The following GALK2 variants were observed in gnomAD, a reference collection of about 807,000 sequenced individuals.
GALK2 encodes the protein galactokinase 2, also known as N-acetylgalactosamine kinase.
In GALK2, 36 loss-of-function variants were observed where a neutral mutation model predicts 52.4. The observed-to-expected ratio is 0.69, with a 90% CI of 0.53 to 0.91. GALK2 has a LOEUF of 0.91. Among genes scored for constraint, GALK2 ranks in the 40% least tolerant of loss-of-function variants. The pLI, the probability that GALK2 is intolerant of heterozygous loss-of-function variation, is 0.00. For missense variants in GALK2, 579 were observed against 559.1 expected, an observed-to-expected ratio of 1.04 and a Z score of -0.36; for synonymous variants, 176 against 199.1, an observed-to-expected ratio of 0.88 and a Z score of 0.98.
At chr15:49,205,814 T>C (rs1384064460) in intron 2 of GALK2, among the ~76,000 whole-genome samples, 1 of 152,188 alleles carries the variant, frequency 6.6e-6, no homozygotes, top group African/African-American at 2.4e-5. Context: ...CCTAAGCCAA[T>C]GTCTAGAAGG....
chr15:49,184,886 T>C (rs149212936), intron 1 of GALK2, among the ~76,000 whole-genome samples: 46 of 152,336 alleles, frequency 3.0e-4, no homozygotes, highest in African/African-American at 1.1e-3. Context: ...AAGATATAAG[T>C]AGTATACATG....
chr15:49,318,202 T>G (rs1157487691), intron 8 of GALK2: 1 of 152,150 alleles, frequency 6.6e-6, no homozygotes, highest in Non-Finnish European at 1.5e-5. Context: ...GGTAAGGAAG[T>G]CTCAGTTGTT....
At chr15:49,225,236 A>T (rs1292280030) in intron 3 of GALK2, 1 of 455,994 alleles carries the variant, frequency 2.2e-6, no homozygotes, top group Admixed American at 2.3e-5. Context: ...CCTCAGGCAG[A>T]GGCTATGACC....
At chr15:49,271,913 T>A (rs1057048443) in intron 5 of GALK2, among the ~76,000 whole-genome samples, 1 of 152,192 alleles carries the variant, frequency 6.6e-6, no homozygotes, top group African/African-American at 2.4e-5. Flanking sequence ...AACGTACACG[T>A]TTTTTAACTT....
At chr15:49,319,155 T>G in intron 8 of GALK2, 1 of 359,554 alleles carries the variant, frequency 2.8e-6, no homozygotes, top group South Asian at 2.1e-5. Context: ...GTTTTCACCA[T>G]GTTGGTCAGG....
chr15:49,361,261 T>C (rs758459023), intron 3 of GALK2, among the ~76,000 whole-genome samples: 42 of 152,226 alleles, frequency 2.8e-4, no homozygotes, highest in Non-Finnish European at 5.0e-4. Flanking sequence ...TAACTTTTAT[T>C]TTAGGTTCAG....
chr15:49,189,920 C>CA (rs2141255160), intron 1 of GALK2, among the ~76,000 whole-genome samples: 1 of 152,248 alleles, frequency 6.6e-6, no homozygotes, highest in Admixed American at 6.5e-5. Flanking sequence ...CCACAGAAAA[C>CA]AAAACCACAA....
At chr15:49,261,904 C>G (rs2092129926) in intron 5 of GALK2, among the ~76,000 whole-genome samples, 1 of 152,066 alleles carries the variant, frequency 6.6e-6, no homozygotes, top group South Asian at 2.1e-4. Context: ...AGCCTTGCAT[C>G]CCAGGGATGA....
At chr15:49,268,745 A>C (rs2141677485) in intron 5 of GALK2, among the ~76,000 whole-genome samples, 1 of 152,238 alleles carries the variant, frequency 6.6e-6, no homozygotes, top group East Asian at 1.9e-4. Context: ...CAATGTTAGC[A>C]TCTTTTGCTC....
At chr15:49,352,429 T>G (rs1031506925) in intron 3 of GALK2, among the ~76,000 whole-genome samples, 1 of 152,172 alleles carries the variant, frequency 6.6e-6, no homozygotes, top group African/African-American at 2.4e-5. Context: ...ATAGGACTTA[T>G]GTTAAGTAAG....
chr15:49,235,406 TTTTG>T (rs773386420), intron 3 of GALK2, among the ~76,000 whole-genome samples: 8 of 152,300 alleles, frequency 5.3e-5, no homozygotes, highest in South Asian at 2.1e-4. Context: ...AAAATCATCA[TTTTG>T]TTTATTTGTT....
intron 4 of GALK2, among the ~76,000 whole-genome samples, chr15:49,236,467 T>G (rs752436367): frequency 7.9e-5 from 12 of 152,162 alleles, no homozygotes; most frequent in Non-Finnish European, 1.5e-4. Flanking sequence ...TATTGCTACT[T>G]CAGATGGGAT....
intron 5 of GALK2, among the ~76,000 whole-genome samples, chr15:49,242,054 G>A (rs2141517538): frequency 6.6e-6 from 1 of 151,892 alleles, no homozygotes; most frequent in African/African-American, 2.4e-5. Flanking sequence ...ACAGAATCTT[G>A]AATGAAAGGA....
chr15:49,360,489 TAA>T (rs572395413), intron 3 of GALK2, among the ~76,000 whole-genome samples: 1 of 152,180 alleles, frequency 6.6e-6, no homozygotes, highest in Admixed American at 6.5e-5. Context: ...TTTTGCATGT[TAA>T]AAAAATTATT....
rs1292772116 is a variant in GALK2, at chr15:49,285,056, G to A, written c.756+1338G>A. ...ACTTCTCAAAAATTGCTTTATATAT[G>A]TTATCTTTACTCCTCTACCTCCCTC... On this transcript the variant is annotated intron_variant, in intron 7 of 9. Transcript: ENST00000560031. Among the ~76,000 whole-genome samples, 3 of 152,128 alleles carry A rather than the reference G, an allele frequency of 2.0e-5. No individual in the cohort carries two copies. In the East Asian group the frequency reaches 5.8e-4, roughly 29 times the overall value.
Position 49,206,889 on chromosome 15 carries a change from T to G in GALK2, c.142+5639T>G, listed in dbSNP as rs866390722. Among the ~76,000 whole-genome samples the G allele has an allele frequency of 8.5e-5, 13 of 152,302 alleles. No individual in the cohort carries two copies. The South Asian group carries it at 1.9e-3, about 22-fold the overall frequency. The stretch of plus-strand genomic sequence containing the variant: ...CCAGTACCATGTTGAAAAGGAGTGG[T>G]GAGAGTGGGCATCTTAGTCTTGTCC... On this transcript the variant is annotated intron_variant, in intron 2 of 9. Transcript: ENST00000560031.
intron 3 of GALK2, among the ~76,000 whole-genome samples, chr15:49,351,705 A>G (rs2042271413): frequency 6.6e-6 from 1 of 152,164 alleles, no homozygotes; most frequent in Non-Finnish European, 1.5e-5. Context: ...AACATTGGAC[A>G]GACAGAAAAG....
chr15:49,294,139 T>TTAAATAAA (rs2034221282), intron 8 of GALK2, among the ~76,000 whole-genome samples: 3 of 86,350 alleles, frequency 3.5e-5, no homozygotes, highest in Admixed American at 3.2e-4. Flanking sequence ...AGACCCTGTC[T>TTAAATAAA]CAAATAAATA....
At chr15:49,360,988 A>T (rs1431036343) in intron 3 of GALK2, among the ~76,000 whole-genome samples, 3 of 152,056 alleles carry the variant, frequency 2.0e-5, no homozygotes, top group South Asian at 2.1e-4. Flanking sequence ...GATTTAGGCA[A>T]ATCACTCCTT....
Sources: gnomAD v4.1 joint callset for allele counts (sites outside exome capture counted in the v4.1 genomes callset) on GRCh38, gnomAD v4.1.1 for gene constraint, MANE v1.5 for transcripts, NCBI Gene and HGNC (gene_info 2026-07-23, HGNC 2026-07-21) for gene names.